Variants in IRGQ observed in about 807,000 individuals in gnomAD.
IRGQ encodes the protein immunity-related GTPase family Q protein.
In IRGQ, 5 loss-of-function variants were observed where a neutral mutation model predicts 10.5. The ratio of observed to expected loss-of-function variants is 0.48; its 90% CI spans 0.25 to 1.00. The LOEUF (loss-of-function observed/expected upper bound fraction) is 1.00, where lower values mean the gene tolerates loss of function less well. Ranked by LOEUF, IRGQ falls within the 50% of genes least tolerant of loss-of-function variation. The pLI is 0.16. For missense variants in IRGQ, 792 were observed against 877.7 expected (o/e 0.90, Z 1.23); for synonymous variants, 418 against 426.0 (o/e 0.98, Z 0.23).
At position 43,592,171 on chromosome 19, in the gene IRGQ, GC is replaced by G; in HGVS notation, c.1726del (p.Ala576LeufsTer60). 1 of 1,606,118 alleles carries G rather than the reference GC, an allele frequency of 6.2e-7. No individual in the cohort carries two copies. ...ACCCGCAGGCCACAGGAAGGAGAGA[GC>G]CCCCAGTGCTGCGCCCCCAGCAGTG... ...EGTAGGAALG[A>X]LSFLWPAGGA... is the part of the protein sequence containing the mutation. On this transcript the variant is annotated frameshift_variant, in exon 3 of 3. Coordinates refer to ENST00000422989, the MANE Select transcript of IRGQ (RefSeq NM_001007561.3). LOFTEE classifies it high-confidence loss of function.
Position 43,584,719 on chromosome 19 carries a change from C to T in IRGQ, c.*7307G>A, listed in dbSNP as rs962460575. Reference sequence around the variant, plus strand: ...TGCTGGTCTCAGCTGGGTTCAGCTGCCTATCAGCTAGGGAGCTCTGTTTCA... The same window carrying T: ...TGCTGGTCTCAGCTGGGTTCAGCTGTCTATCAGCTAGGGAGCTCTGTTTCA... On this transcript the variant is annotated 3_prime_UTR_variant, in exon 3 of 3. Transcript: ENST00000422989. The T allele has an allele frequency of 6.6e-6, 1 of 152,238 alleles. No homozygotes were observed. The highest frequency in any genetic ancestry group is 1.5e-5 in the Non-Finnish European group (1 of 68,040). The allele number at this position is 152,238 out of a possible 1,614,324, so 9.4% of individuals were successfully genotyped here.
Position 43,585,594 on chromosome 19 carries a change from C to T in IRGQ, c.*6432G>A, listed in dbSNP as rs1972986613. 1 of 152,136 alleles carries T rather than the reference C, an allele frequency of 6.6e-6. No individual in the cohort carries two copies. Among genetic ancestry groups the T allele is most frequent in the Admixed American group, 6.6e-5 (1 of 15,256 alleles). The allele number at this position is 152,136 out of a possible 1,614,324, so 9.4% of individuals were successfully genotyped here. ...ATCATGTTTGCTATTGTTCTAGTGGCTGAAGCAAACCACATAGTCAAACCT... is the reference window on the plus strand; with the variant it reads ...ATCATGTTTGCTATTGTTCTAGTGGTTGAAGCAAACCACATAGTCAAACCT... On this transcript the variant is annotated 3_prime_UTR_variant, in exon 3 of 3. Coordinates refer to ENST00000422989, the MANE Select transcript of IRGQ (RefSeq NM_001007561.3).
Position 43,595,045 on chromosome 19 carries a change from C to G in IRGQ, c.294G>C (p.Glu98Asp). The change falls in exon 2 of 3, where the codon GAG becomes GAC. Residue 98 changes from glutamate (E) to aspartate (D), a missense_variant. By Grantham distance (45) the Glu-to-Asp change is conservative. Coordinates refer to ENST00000422989, the MANE Select transcript of IRGQ (RefSeq NM_001007561.3). ...NGEPLAPALG[E>D]AALAALARGT... ...CTCGGGCCAGGGCGGCCAGCGCTGC[C>G]TCTCCCAGGGCTGGAGCCAACGGTT... 1.2e-6 allele frequency: 2 copies of G among 1,613,284 alleles called. No individual in the cohort carries two copies. The highest frequency in any genetic ancestry group is 1.7e-6 in the Non-Finnish European group (2 of 1,179,780).
chr19:43,592,735 T>C lies in IRGQ; in HGVS notation c.1163A>G (p.Lys388Arg). Reference sequence around the variant, plus strand: ...CTGCTGCAAACCCTCGCTGCCAGCTTTCCCAGGACCTTCCCCGCTGCCTGC... The same window carrying C: ...CTGCTGCAAACCCTCGCTGCCAGCTCTCCCAGGACCTTCCCCGCTGCCTGC... ...QKAGSGEGPG[K>R]AGSEGLQQVV... The change falls in exon 3 of 3, where the codon AAA becomes AGA. Residue 388 changes from lysine to arginine, a missense_variant. By Grantham distance (26) the Lys-to-Arg change is conservative (BLOSUM62 2). Coordinates refer to ENST00000422989, the MANE Select transcript of IRGQ (RefSeq NM_001007561.3). The C allele has an allele frequency of 1.2e-6, 2 of 1,611,986 alleles. No individual in the cohort carries two copies. The highest frequency in any genetic ancestry group is 2.2e-5 in the South Asian group (2 of 91,090).
rs746370475 is a variant in IRGQ, at chr19:43,592,794, C to G, written c.1104G>C (p.Lys368Asn). The change falls in exon 3 of 3, where the codon AAG becomes AAC. Residue 368 changes from lysine to asparagine, a missense_variant. Coordinates refer to ENST00000422989, the MANE Select transcript of IRGQ (RefSeq NM_001007561.3). ...GGGGLENALSKGREKCSAGSQ... is the reference protein window; with the variant it reads ...GGGGLENALSNGREKCSAGSQ... ...ATCCAGCGCTACATTTCTCCCTTCC[C>G]TTACTGAGTGCATTCTCCAATCCCC... 1 of 1,614,008 alleles carries G rather than the reference C, an allele frequency of 6.2e-7. No individual in the cohort carries two copies. The highest frequency in any genetic ancestry group is 1.7e-5 in the Admixed American group (1 of 60,030).
rs764512379 is a variant in IRGQ, at chr19:43,595,237, C to A, written c.102G>T (p.Thr34=). 2.5e-6 allele frequency: 4 copies of A among 1,612,502 alleles called. No homozygotes were observed. The highest frequency in any genetic ancestry group is 3.4e-6 in the Non-Finnish European group (4 of 1,179,814). Residue 34 remains threonine, a synonymous_variant, in exon 2 of 3, where the codon ACG becomes ACT. Transcript: ENST00000422989. ...CCGGCCGTCCCTCGGGGGCCTCGAGCGTCTCCACATCCTTGTCGCACAGCG... is the reference window on the plus strand; with the variant it reads ...CCGGCCGTCCCTCGGGGGCCTCGAGAGTCTCCACATCCTTGTCGCACAGCG... ...IAALCDKDVE[T]LEAPEGRPDS... is the part of the protein sequence containing the mutation.
Position 43,593,265 on chromosome 19 carries a change from C to T in IRGQ, c.633G>A (p.Ser211=), listed in dbSNP as rs780940124. ...FETGGLEAAL[S]WVRSGLERLG... ...GGCGCTCCAGGCCTGAGCGCACCCA[C>T]GACAGCGCAGCCTCAAGGCCGCCGG... The change falls in exon 3 of 3, where the codon TCG becomes TCA. Residue 211 remains serine (S), a synonymous_variant. Transcript: ENST00000422989. This position sits in a 1 kb window ranked among gnomAD's most constrained non-coding sequence, Gnocchi z 6.4. 10 of 1,597,950 alleles carry T rather than the reference C, an allele frequency of 6.3e-6. No homozygotes were observed. Among genetic ancestry groups the T allele is most frequent in the East Asian group, 2.2e-5 (1 of 44,592 alleles).
intron 2 of IRGQ, 119 bp downstream of exon 2, chr19:43,594,690 A>AT: frequency 4.3e-6 from 3 of 704,262 alleles, no homozygotes; most frequent in Non-Finnish European, 6.5e-6. Context: ...AAAAAATAAT[A>AT]ATAATAGAGC....
rs1459757491 is a variant in IRGQ at position 43,592,674 on chromosome 19, T to C, written c.1224A>G (p.Ser408=). The C allele has an allele frequency of 1.9e-6, 3 of 1,606,988 alleles. No homozygotes were observed. The highest frequency in any genetic ancestry group is 1.7e-5 in the Admixed American group (1 of 60,030). ...CCGGGCTTAACGCAGCGGCCCGCTC[T>C]GAGTCGCCACCACCTGATTTCTTCA... ...VGMKKSGGGD[S]ERAAALSPED... is the part of the protein sequence containing the mutation. The change falls in exon 3 of 3, where the codon TCA becomes TCG. Residue 408 remains serine, a synonymous_variant. Coordinates refer to ENST00000422989, the MANE Select transcript of IRGQ (RefSeq NM_001007561.3).
rs1196332718 is a variant in IRGQ at position 43,595,092 on chromosome 19, G to T, written c.247C>A (p.Pro83Thr). Residue 83 changes from proline to threonine, a missense_variant, in exon 2 of 3, where the codon CCC becomes ACC. Transcript: ENST00000422989. ...GGTTCCCCGTTCCCCTCGGGTCCGGGCAGCACCAGTACCAGCACGTTGGCT... is the reference window on the plus strand; with the variant it reads ...GGTTCCCCGTTCCCCTCGGGTCCGGTCAGCACCAGTACCAGCACGTTGGCT... ...AEANVLVLVL[P>T]GPEGNGEPLA... The T allele has an allele frequency of 6.2e-7, 1 of 1,610,512 alleles. No individual in the cohort carries two copies.
chr19:43,592,245 C>CCTGGGAA lies in IRGQ; in HGVS notation c.1652_1653insTTCCCAG (p.Thr552SerfsTer58). 1 of 1,579,508 alleles carries CCTGGGAA rather than the reference C, an allele frequency of 6.3e-7. No homozygotes were observed. The highest frequency in any genetic ancestry group is 8.5e-7 in the Non-Finnish European group (1 of 1,170,614). On this transcript the variant is annotated frameshift_variant, in exon 3 of 3. Coordinates refer to ENST00000422989, the MANE Select transcript of IRGQ (RefSeq NM_001007561.3). LOFTEE classifies it high-confidence loss of function. ...GTCTTGCTTCCACCTCGGCGCGCGTCACCGGGCCTGGGAAATGAGCGCGCG... is the reference window on the plus strand; with the variant it reads ...GTCTTGCTTCCACCTCGGCGCGCGTCCTGGGAAACCGGGCCTGGGAAATGAGCGCGCG...
chr19:43,594,774 C>T (rs756861364), intron 2 of IRGQ, 35 bp downstream of exon 2: 3 of 1,563,260 alleles, frequency 1.9e-6, no homozygotes, highest in Non-Finnish European at 1.7e-6. Flanking sequence ...CCTAGGGTCT[C>T]GACTAACGGA....
intron 2 of IRGQ, 126 bp downstream of exon 2, chr19:43,594,683 A>G (rs304727): frequency 1.6e-6 from 1 of 639,800 alleles, no homozygotes; most frequent in South Asian, 3.6e-5. Flanking sequence ...AAAAAAAAAA[A>G]AATAATAATA....
In IRGQ at chr19:43,592,574, G is replaced by A. The variant is rs765308965; in HGVS notation, c.1324C>T (p.Leu442=). The A allele has an allele frequency of 1.3e-6, 2 of 1,599,482 alleles. No individual in the cohort carries two copies. The highest frequency in any genetic ancestry group is 1.7e-6 in the Non-Finnish European group (2 of 1,179,664). ...AGCGCTCGCCGCAGCCATTCGCATA[G>A]CCCTGGGAGTCCGCCAGGCCGTAGG... ...FPLRPGGLPG[L]CEWLRRALPP... is the part of the protein sequence containing the mutation. Residue 442 remains leucine (L), a synonymous_variant, in exon 3 of 3, where the codon CTA becomes TTA. Transcript: ENST00000422989.
rs1258944652 is a variant in IRGQ, at chr19:43,593,949, G to A, written c.531-582C>T. Among the ~76,000 whole-genome samples, 1 of 152,198 alleles carries A rather than the reference G, an allele frequency of 6.6e-6. No homozygotes were observed. Among genetic ancestry groups the A allele is most frequent in the Non-Finnish European group, 1.5e-5 (1 of 68,032 alleles). ...TGACAGTGTACTGGGACAAGGGACT[G>A]TCCCTCTCTGAGCCTCGTTTTAAAG... On this transcript the variant is annotated intron_variant, in intron 2 of 2. Transcript: ENST00000422989. The surrounding 1 kb of genome is among the most constrained non-coding windows in gnomAD (Gnocchi z 6.4).
rs572499007 is a variant in IRGQ at position 43,593,818 on chromosome 19, G to C, written c.531-451C>G. On this transcript the variant is annotated intron_variant, in intron 2 of 2. Coordinates refer to ENST00000422989, the MANE Select transcript of IRGQ (RefSeq NM_001007561.3). This position sits in a 1 kb window ranked among gnomAD's most constrained non-coding sequence, Gnocchi z 6.4. The stretch of plus-strand genomic sequence containing the variant: ...GTCCCCAAGGGCACTCTTTTCAGGG[G>C]CTGGGCCTAAGGAGGGTCAGTGAGG... Among the ~76,000 whole-genome samples, 1 of 152,308 alleles carries C rather than the reference G, an allele frequency of 6.6e-6. No homozygotes were observed. The highest frequency in any genetic ancestry group is 1.9e-4 in the East Asian group (1 of 5,184).
chr19:43,594,945 C>T lies in IRGQ; in HGVS notation c.394G>A (p.Ala132Thr), dbSNP rs1973113164. 6.2e-7 allele frequency: 1 copy of T among 1,614,058 alleles called. No homozygotes were observed. The highest frequency in any genetic ancestry group is 1.1e-5 in the South Asian group (1 of 91,090). ...AACCCCGCGCTGTTCAGCAGAGCTG[C>T]TGTCTGATCACGGGCCTGGGCGGCA... ...QTAAQARDQT[A>T]ALLNSAGLGA... The change falls in exon 2 of 3, where the codon GCA (alanine) becomes ACA (threonine). Residue 132 changes from alanine (A) to threonine (T), a missense_variant. Transcript: ENST00000422989.
intron 2 of IRGQ, 72 bp downstream of exon 2, chr19:43,594,737 A>C: frequency 7.4e-7 from 1 of 1,344,634 alleles, no homozygotes; most frequent in Non-Finnish European, 1.0e-6. Context: ...GAGGGATCTC[A>C]TGGACCTCCA....
In IRGQ at chr19:43,595,226, G is replaced by T. The variant is rs775064239; in HGVS notation, c.113C>A (p.Pro38His). The change falls in exon 2 of 3, where the codon CCC (proline) becomes CAC (histidine). Residue 38 changes from proline (P) to histidine (H), a missense_variant. Pro to His is a moderately conservative substitution (Grantham distance 77). Coordinates refer to ENST00000422989, the MANE Select transcript of IRGQ (RefSeq NM_001007561.3). The stretch of plus-strand genomic sequence containing the variant: ...AACCCCGGAGTCCGGCCGTCCCTCG[G>T]GGGCCTCGAGCGTCTCCACATCCTT... ...CDKDVETLEA[P>H]EGRPDSGVPS... 3.7e-6 allele frequency: 6 copies of T among 1,612,574 alleles called. No individual in the cohort carries two copies. Among genetic ancestry groups the T allele is most frequent in the Non-Finnish European group, 5.1e-6 (6 of 1,179,782 alleles).
Sources: gnomAD v4.1 joint callset for allele counts (sites outside exome capture counted in the v4.1 genomes callset) on GRCh38, gnomAD v4.1.1 for gene constraint, Gnocchi (gnomAD v3.1) non-coding constraint, MANE v1.5 for transcripts, NCBI Gene and HGNC (gene_info 2026-07-23, HGNC 2026-07-21) for gene names.